Variants in PRMT8 observed in about 807,000 individuals in gnomAD.
PRMT8 encodes protein arginine N-methyltransferase 8.
Under a neutral mutation model 47.1 loss-of-function variants are expected in PRMT8, and 7 were observed. The observed-to-expected ratio is 0.15, with a 90% CI of 0.08 to 0.28. The LOEUF (loss-of-function observed/expected upper bound fraction) is 0.28, where lower values mean the gene tolerates loss of function less well. Among genes scored for constraint, PRMT8 ranks in the 10% least tolerant of loss-of-function variants. PRMT8 has a pLI of 1.00. For synonymous variants in PRMT8, 188 were observed against 186.5 expected (o/e 1.01, Z -0.07); for missense variants, 237 against 505.4 (o/e 0.47, Z 5.09).
intron 1 of PRMT8, among the ~76,000 whole-genome samples, chr12:3,482,778 C>A (rs1022453182): frequency 3.3e-5 from 5 of 152,310 alleles, no homozygotes; most frequent in African/African-American, 9.6e-5. Context: ...CACATGTCAT[C>A]ACTCCCATTT....
intron 1 of PRMT8, among the ~76,000 whole-genome samples, chr12:3,540,003 T>C (rs1019977279): frequency 2.0e-5 from 3 of 152,198 alleles, no homozygotes; most frequent in African/African-American, 7.2e-5. Flanking sequence ...AGGATGCAGG[T>C]GGGACTTCGT....
intron 1 of PRMT8, among the ~76,000 whole-genome samples, chr12:3,532,527 G>A (rs1866047660): frequency 7.0e-6 from 1 of 142,052 alleles, no homozygotes; most frequent in South Asian, 2.2e-4. Flanking sequence ...CAGGAGACTG[G>A]CATGAACCCG....
chr12:3,586,473 A>G (rs1023158782), intron 8 of PRMT8, among the ~76,000 whole-genome samples: 1 of 152,186 alleles, frequency 6.6e-6, no homozygotes, highest in African/African-American at 2.4e-5. Context: ...ACAGAATTCT[A>G]CAAACTTAGG....
chr12:3,386,790 A>T (rs970539087), intron 1 of PRMT8, among the ~76,000 whole-genome samples: 14 of 151,552 alleles, frequency 9.2e-5, no homozygotes, highest in African/African-American at 3.4e-4. Context: ...GCTCACTGCA[A>T]CTTCTGTCTC....
intron 1 of PRMT8, among the ~76,000 whole-genome samples, chr12:3,482,568 T>C (rs1865284919): frequency 1.3e-5 from 2 of 152,188 alleles, no homozygotes; most frequent in African/African-American, 2.4e-5. Context: ...ACTAAGTGGA[T>C]GTGAAAGAAA....
chr12:3,382,072 T>A (rs1401642891), intron 1 of PRMT8, among the ~76,000 whole-genome samples: 1 of 152,250 alleles, frequency 6.6e-6, no homozygotes, highest in African/African-American at 2.4e-5. Flanking sequence ...TTCCTTTTGT[T>A]TAACTGTTGA....
chr12:3,465,047 G>A (rs1445308130), intron 1 of PRMT8, among the ~76,000 whole-genome samples: 1 of 150,652 alleles, frequency 6.6e-6, no homozygotes, highest in South Asian at 2.1e-4. Flanking sequence ...CCCAGGAGGC[G>A]GAGGTTGCAG....
rs2137208737 is a variant in PRMT8 at position 3,570,156 on chromosome 12, A to G, written c.712+592A>G. Among the ~76,000 whole-genome samples, 1 of 152,204 alleles carries G rather than the reference A, an allele frequency of 6.6e-6. No homozygotes were observed. The highest frequency in any genetic ancestry group is 2.1e-4 in the South Asian group (1 of 4,814). Reference sequence around the variant, plus strand: ...ATGAGGCAGGGGCTCGTATCTAAACATGTATTCTTAATGCCTTATCAGCTA... The same window carrying G: ...ATGAGGCAGGGGCTCGTATCTAAACGTGTATTCTTAATGCCTTATCAGCTA... On this transcript the variant is annotated intron_variant, in intron 6 of 9. Transcript: ENST00000382622. The surrounding 1 kb of genome is among the most constrained non-coding windows in gnomAD (Gnocchi z 5.5).
intron 1 of PRMT8, among the ~76,000 whole-genome samples, chr12:3,389,348 A>G (rs2137044791): frequency 6.6e-6 from 1 of 152,270 alleles, no homozygotes; most frequent in Middle Eastern, 3.4e-3. Context: ...ATCGCGCTGC[A>G]AAATCCCTAA....
intron 1 of PRMT8, among the ~76,000 whole-genome samples, chr12:3,435,672 C>A (rs1864733097): frequency 6.6e-6 from 1 of 151,976 alleles, no homozygotes; most frequent in African/African-American, 2.4e-5. Context: ...CAGGCACCTG[C>A]CACCACACCC....
chr12:3,387,465 T>G (rs953999658), intron 1 of PRMT8, among the ~76,000 whole-genome samples: 6 of 152,214 alleles, frequency 3.9e-5, no homozygotes, highest in African/African-American at 1.4e-4. Flanking sequence ...GTCTCCCTGC[T>G]TTGTAGATGG....
chr12:3,519,697 G>C (rs181323832), intron 1 of PRMT8, among the ~76,000 whole-genome samples: 2 of 152,184 alleles, frequency 1.3e-5, no homozygotes, highest in African/African-American at 4.8e-5. Flanking sequence ...CTGCAGAAAG[G>C]CTGGGGGGCT....
intron 1 of PRMT8, among the ~76,000 whole-genome samples, chr12:3,476,153 C>T (rs978114371): frequency 6.6e-6 from 1 of 152,178 alleles, no homozygotes; most frequent in African/African-American, 2.4e-5. Flanking sequence ...TCTAGCCCTA[C>T]TGGGAACCAA....
chr12:3,388,754 A>G (rs1864164450), intron 1 of PRMT8, among the ~76,000 whole-genome samples: 1 of 152,224 alleles, frequency 6.6e-6, no homozygotes, highest in Admixed American at 6.5e-5. Context: ...ACACTGCACT[A>G]GCTGAAAGTA....
At chr12:3,592,500 T>A in intron 9 of PRMT8, 148 bp downstream of exon 9, 2 of 843,574 alleles carry the variant, frequency 2.4e-6, no homozygotes, top group Non-Finnish European at 3.6e-6. Context: ...TGGACATGAC[T>A]AGGCCTAATT....
chr12:3,415,185 T>C (rs969281457), intron 1 of PRMT8, among the ~76,000 whole-genome samples: 2 of 152,078 alleles, frequency 1.3e-5, no homozygotes, highest in African/African-American at 2.4e-5. Flanking sequence ...GTAAGGGCTA[T>C]CACAAAGGGT....
At chr12:3,419,797 C>T (rs1277317147) in intron 1 of PRMT8, among the ~76,000 whole-genome samples, 4 of 151,924 alleles carry the variant, frequency 2.6e-5, no homozygotes, top group Non-Finnish European at 5.9e-5. Context: ...GACACCTCAT[C>T]ACAAGGCTCG....
At chr12:3,496,155 C>A (rs747527389) in intron 1 of PRMT8, among the ~76,000 whole-genome samples, 4 of 135,156 alleles carry the variant, frequency 3.0e-5, no homozygotes, top group Non-Finnish European at 6.1e-5. Flanking sequence ...GGAGAGCCCC[C>A]AGGAGTTGGG....
intron 1 of PRMT8, among the ~76,000 whole-genome samples, chr12:3,427,152 A>G (rs181363694): frequency 2.6e-5 from 4 of 152,138 alleles, no homozygotes; most frequent in African/African-American, 7.2e-5. Context: ...ATATTTGACA[A>G]TGTTTTCTGT....
Sources: gnomAD v4.1 joint callset for allele counts (sites outside exome capture counted in the v4.1 genomes callset) on GRCh38, gnomAD v4.1.1 for gene constraint, Gnocchi (gnomAD v3.1) non-coding constraint, MANE v1.5 for transcripts, NCBI Gene and HGNC (gene_info 2026-07-23, HGNC 2026-07-21) for gene names.